Variants in ZNF726 observed in about 807,000 individuals in gnomAD.
The protein encoded by ZNF726 is zinc finger protein 92 pseudogene 3.
Under a neutral mutation model 11.6 loss-of-function variants are expected in ZNF726, and 15 were observed. The ratio of observed to expected loss-of-function variants is 1.29; its 90% CI spans 0.86 to 1.99. ZNF726 has a LOEUF of 1.99. Among genes scored for constraint, ZNF726 ranks in the 30% most tolerant of loss-of-function variants. The probability of loss-of-function intolerance (pLI) is 0.00; values close to 1 mark genes in which losing one functional copy is unlikely to be tolerated. For synonymous variants in ZNF726, 295 were observed against 243.6 expected, an observed-to-expected ratio of 1.21 and a Z score of -1.96; for missense variants, 890 against 725.6, an observed-to-expected ratio of 1.23 and a Z score of -2.60.
rs778968601 is a variant in ZNF726 at position 23,932,480 on chromosome 19, G to A, written c.364G>A (p.Glu122Lys). 1.9e-6 allele frequency: 3 copies of A among 1,585,774 alleles called. No individual in the cohort carries two copies. The highest frequency in any genetic ancestry group is 1.4e-5 in the African/African-American group (1 of 73,696). ...AAGAAAAGGTTGTAAAAGTGTGGAT[G>A]AGTGTAAGGTACACAAAGAAGGTTA... ...QLRKGCKSVDECKVHKEGYNG... is the reference protein window; with the variant it reads ...QLRKGCKSVDKCKVHKEGYNG... Residue 122 changes from glutamate (E) to lysine (K), a missense_variant, in exon 4 of 4, where the codon GAG becomes AAG. Physicochemically the swap from Glu to Lys is moderately conservative, Grantham distance 56. Transcript: ENST00000594466.
At chr19:23,941,538 A>G (rs1298297156) in intron 3 of ZNF726, among the ~76,000 whole-genome samples, 1 of 152,072 alleles carries the variant, frequency 6.6e-6, no homozygotes, top group African/African-American at 2.4e-5. Flanking sequence ...TTGTGGAACA[A>G]TGTCAAAAGT....
chr19:23,933,935 A>C lies in ZNF726; in HGVS notation c.1819A>C (p.Thr607Pro). The C allele has an allele frequency of 6.3e-7, 1 of 1,582,124 alleles. No homozygotes were observed. The highest frequency in any genetic ancestry group is 8.6e-7 in the Non-Finnish European group (1 of 1,163,526). ...TGGCAAATCATTTATCTGGTCCTCA[A>C]CCCTTTTTAAGCATAAGAGGATTCA... ...ECGKSFIWSS[T>P]LFKHKRIHT Residue 607 changes from threonine (T) to proline (P), a missense_variant, in exon 4 of 4, where the codon ACC (threonine) becomes CCC (proline). Thr to Pro is a conservative substitution (Grantham distance 38, BLOSUM62 -1). Transcript: ENST00000594466.
intron 1 of ZNF726, 115 bp downstream of exon 1, chr19:23,915,112 G>T: frequency 6.6e-7 from 1 of 1,512,268 alleles, no homozygotes; most frequent in Non-Finnish European, 9.1e-7. Context: ...ATCTGCGCCC[G>T]AGTTGTTGCC....
downstream of ZNF726, among the ~76,000 whole-genome samples, chr19:23,937,482 A>C (rs1968263130): frequency 6.7e-6 from 1 of 150,206 alleles, no homozygotes; most frequent in African/African-American, 2.5e-5. Context: ...GCGGCCGGGC[A>C]GAGACGCTCC....
chr19:23,925,855 A>G (rs1967974360), intron 3 of ZNF726, among the ~76,000 whole-genome samples: 1 of 151,240 alleles, frequency 6.6e-6, no homozygotes, highest in Admixed American at 6.6e-5. Context: ...TAGCTGAAAT[A>G]ACAGGCGTGT....
intron 3 of ZNF726, chr19:23,921,290 T>A (rs1967844896): frequency 6.6e-6 from 1 of 151,942 alleles, no homozygotes; most frequent in Admixed American, 6.6e-5. Context: ...AGCAAGACTC[T>A]CTCTCGATGT....
At position 23,932,466 on chromosome 19, in the gene ZNF726, G is replaced by T. The variant is rs577176051; in HGVS notation, c.350G>T (p.Cys117Phe). 2.5e-6 allele frequency: 4 copies of T among 1,581,964 alleles called. No individual in the cohort carries two copies. The African/African-American group carries it at 4.1e-5, about 16-fold the overall frequency. ...GHENLQLRKG[C>F]KSVDECKVHK... ...GAGAATTTACAGTTAAGAAAAGGTTGTAAAAGTGTGGATGAGTGTAAGGTA... is the reference window on the plus strand; with the variant it reads ...GAGAATTTACAGTTAAGAAAAGGTTTTAAAAGTGTGGATGAGTGTAAGGTA... Residue 117 changes from cysteine (C) to phenylalanine (F), a missense_variant, in exon 4 of 4, where the codon TGT becomes TTT. Transcript: ENST00000594466.
At chr19:23,932,286 T>A (rs1400633372) in intron 3 of ZNF726, 57 bp from the exon 4 acceptor site, 7 of 1,195,088 alleles carry the variant, frequency 5.9e-6, no homozygotes, top group Non-Finnish European at 6.4e-6. Flanking sequence ...GTAAGATTTT[T>A]AAACTATATT....
chr19:23,918,337 T>C (rs908817260), intron 1 of ZNF726, among the ~76,000 whole-genome samples: 1 of 152,208 alleles, frequency 6.6e-6, no homozygotes, highest in Non-Finnish European at 1.5e-5. Flanking sequence ...AAGAAAAGGC[T>C]CATTTAAACA....
chr19:23,925,834 A>G (rs994787241), intron 3 of ZNF726, among the ~76,000 whole-genome samples: 4 of 148,848 alleles, frequency 2.7e-5, no homozygotes, highest in Admixed American at 6.8e-5. Context: ...CTCCCACCTC[A>G]GCCTTGTGAG....
intron 3 of ZNF726, among the ~76,000 whole-genome samples, chr19:23,926,977 A>G (rs1006414165): frequency 6.6e-6 from 1 of 152,156 alleles, no homozygotes; most frequent in Non-Finnish European, 1.5e-5. Flanking sequence ...TTGGATTTAT[A>G]TAAAAATTAT....
At chr19:23,931,773 G>C (rs1968110824) in intron 3 of ZNF726, among the ~76,000 whole-genome samples, 1 of 152,128 alleles carries the variant, frequency 6.6e-6, no homozygotes, top group African/African-American at 2.4e-5. Flanking sequence ...GTAGGAGTCA[G>C]TAATCACTTG....
intron 3 of ZNF726, among the ~76,000 whole-genome samples, chr19:23,922,124 G>T (rs1007709148): frequency 2.0e-5 from 3 of 152,224 alleles, no homozygotes; most frequent in Non-Finnish European, 4.4e-5. Flanking sequence ...ACTTTTAGTT[G>T]TCTTGTTAAA....
downstream of ZNF726, among the ~76,000 whole-genome samples, chr19:23,937,853 C>A (rs1397766362): frequency 1.3e-5 from 2 of 152,168 alleles, no homozygotes; most frequent in African/African-American, 2.4e-5. Context: ...AGCCTGGGCA[C>A]CATTGAGCAC....
In ZNF726 at chr19:23,934,327, C is replaced by A; in HGVS notation, c.*360C>A. ...ACAAATGTGAGGAATGTGGCAAAGC[C>A]TTTAAATGTTCCTCAACTGTTACTG... is the stretch of plus-strand genomic sequence containing the variant. On this transcript the variant is annotated 3_prime_UTR_variant, in exon 4 of 4. Coordinates refer to ENST00000594466, the MANE Select transcript of ZNF726 (RefSeq NM_001244038.2). 1.7e-6 allele frequency: 1 copy of A among 573,412 alleles called. No individual in the cohort carries two copies. Among genetic ancestry groups the A allele is most frequent in the African/African-American group, 1.9e-5 (1 of 53,584 alleles). 35.5% of individuals were successfully genotyped at this position (573,412 alleles called of 1,614,324 possible). A position where few individuals can be genotyped will look rare whatever the true frequency, so the allele number is the denominator to read the frequency against.
At chr19:23,940,376 T>A (rs1200905696) in intron 3 of ZNF726, among the ~76,000 whole-genome samples, 1 of 152,194 alleles carries the variant, frequency 6.6e-6, no homozygotes, top group African/African-American at 2.4e-5. Flanking sequence ...TGCCTATTTT[T>A]ATACCAGTAC....
intron 1 of ZNF726, among the ~76,000 whole-genome samples, chr19:23,918,021 C>A (rs757303485): frequency 9.2e-5 from 14 of 152,078 alleles, no homozygotes; most frequent in Non-Finnish European, 1.8e-4. Context: ...ATCCAGTTGG[C>A]TAAACCCGGT....
chr19:23,942,590 C>G (rs578164021), intron 3 of ZNF726, among the ~76,000 whole-genome samples: 1 of 152,102 alleles, frequency 6.6e-6, no homozygotes, highest in African/African-American at 2.4e-5. Context: ...GTATTGATGT[C>G]TATCTCATTT....
chr19:23,943,682 C>T (rs1391823824), intron 4 of ZNF726: 20 of 436,078 alleles, frequency 4.6e-5, no homozygotes, highest in Non-Finnish European at 7.8e-5. Context: ...GGATGCTCTG[C>T]TTCAGTGGAA....
Sources: gnomAD v4.1 joint callset for allele counts (sites outside exome capture counted in the v4.1 genomes callset) on GRCh38, gnomAD v4.1.1 for gene constraint, MANE v1.5 for transcripts, NCBI Gene and HGNC (gene_info 2026-07-23, HGNC 2026-07-21) for gene names.